Variants in TRAPPC12 observed in about 807,000 individuals in gnomAD.
The protein encoded by TRAPPC12 is trafficking protein particle complex subunit 12.
In TRAPPC12, 61 loss-of-function variants were observed where a neutral mutation model predicts 69.2. The ratio of observed to expected loss-of-function variants is 0.88; its 90% CI spans 0.72 to 1.09. TRAPPC12 has a LOEUF of 1.09. TRAPPC12 is among the 50% of genes least tolerant of loss of function. The probability of loss-of-function intolerance (pLI) is 0.00; values close to 1 mark genes in which losing one functional copy is unlikely to be tolerated. For missense variants in TRAPPC12, 1,101 were observed against 1,016.4 expected (o/e 1.08, Z -1.13); for synonymous variants, 469 against 438.9 (o/e 1.07, Z -0.86).
chr2:3,464,779 G>C (rs1371537012), intron 8 of TRAPPC12, among the ~76,000 whole-genome samples: 2 of 152,254 alleles, frequency 1.3e-5, no homozygotes, highest in Non-Finnish European at 2.9e-5. Context: ...CACCTGGAAA[G>C]GGTGACTGGG....
At chr2:3,382,129 A>AC (rs1660238580) in intron 1 of TRAPPC12, among the ~76,000 whole-genome samples, 1 of 99,154 alleles carries the variant, frequency 1.0e-5, no homozygotes, top group African/African-American at 3.8e-5. Context: ...GTTTATTTCC[A>AC]CTTTTTTTTT....
At chr2:3,478,635 A>G (rs1290846019) in intron 10 of TRAPPC12, 2 of 509,750 alleles carry the variant, frequency 3.9e-6, no homozygotes, top group Non-Finnish European at 3.5e-6. Context: ...ACTCCATCTA[A>G]AAAATAAAAA....
rs562520317 is a variant in TRAPPC12, at chr2:3,438,848, G to A, written c.1418-4931G>A. On this transcript the variant is annotated intron_variant, in intron 5 of 11. Transcript: ENST00000324266. ...CATTTCTCTGTTGAAGAACATCTTG[G>A]TTGCTTCTGGTTTTTGACAATTATG... Among the ~76,000 whole-genome samples, 7 of 152,128 alleles carry A rather than the reference G, an allele frequency of 4.6e-5. No homozygotes were observed. In the South Asian group the frequency reaches 1.5e-3, roughly 32 times the overall value.
chr2:3,474,950 G>A (rs1006501587), intron 9 of TRAPPC12, among the ~76,000 whole-genome samples: 1 of 152,170 alleles, frequency 6.6e-6, no homozygotes, highest in Non-Finnish European at 1.5e-5. Flanking sequence ...AAAGCCACCT[G>A]TTTGGTCCCT....
In TRAPPC12 at chr2:3,388,003, G is replaced by A. The variant is rs1249837335; in HGVS notation, c.380G>A (p.Ser127Asn). Reference protein sequence around the residue: ...DCAPEDAAPSSGGAPRQDAAR... With the variant: ...DCAPEDAAPSNGGAPRQDAAR... ...GCCCCCGAGGACGCGGCACCCAGTA[G>A]CGGAGGGGCCCCGAGGCAGGACGCG... Residue 127 changes from serine to asparagine, a missense_variant, in exon 2 of 12, where the codon AGC becomes AAC. Ser to Asn is a conservative substitution (Grantham distance 46). Coordinates refer to ENST00000324266, the MANE Select transcript of TRAPPC12 (RefSeq NM_016030.6). 9 of 1,471,230 alleles carry A rather than the reference G, an allele frequency of 6.1e-6. No individual in the cohort carries two copies. Among genetic ancestry groups the A allele is most frequent in the Non-Finnish European group, 7.2e-6 (8 of 1,118,066 alleles). The allele number at this position is 1,471,230 out of a possible 1,614,324, so 91.1% of individuals were successfully genotyped here.
chr2:3,389,199 G>T (rs1660680243), intron 2 of TRAPPC12, among the ~76,000 whole-genome samples: 1 of 152,256 alleles, frequency 6.6e-6, no homozygotes, highest in South Asian at 2.1e-4. Context: ...TTTCGGTGCC[G>T]CTTTGCCAGC....
At chr2:3,407,068 A>G (rs1661771495) in intron 3 of TRAPPC12, among the ~76,000 whole-genome samples, 1 of 152,228 alleles carries the variant, frequency 6.6e-6, no homozygotes, top group African/African-American at 2.4e-5. Context: ...GCAGCCAGGA[A>G]AGGGTTTTTG....
chr2:3,382,784 T>C (rs1367690875), intron 1 of TRAPPC12, among the ~76,000 whole-genome samples: 1 of 152,050 alleles, frequency 6.6e-6, no homozygotes, highest in Non-Finnish European at 1.5e-5. Flanking sequence ...AATAGCTGAG[T>C]GTGGTGGTGC....
chr2:3,387,519 A>G lies in TRAPPC12; in HGVS notation c.-4-101A>G, dbSNP rs889976397. 5.2e-6 allele frequency: 5 copies of G among 970,496 alleles called. No individual in the cohort carries two copies. In the African/African-American group the frequency reaches 6.6e-5, roughly 13 times the overall value. 60.1% of individuals were successfully genotyped at this position (970,496 alleles called of 1,614,324 possible). A position where few individuals can be genotyped will look rare whatever the true frequency, so the allele number is the denominator to read the frequency against. ...AAGCACATGGATAAGAAGCTGGAGA[A>G]ATGGAAGTCTGCGTCATTTGAATCT... On this transcript the variant is annotated intron_variant, in intron 1 of 11. Coordinates refer to ENST00000324266, the MANE Select transcript of TRAPPC12 (RefSeq NM_016030.6).
At position 3,424,649 on chromosome 2, in the gene TRAPPC12, A is replaced by G. The variant is rs201299468; in HGVS notation, c.1403A>G (p.Tyr468Cys). The change falls in exon 5 of 12, where the codon TAC becomes TGC. Residue 468 changes from tyrosine (Y) to cysteine (C), a missense_variant. By Grantham distance (194) the Tyr-to-Cys change is radical (BLOSUM62 -2). Transcript: ENST00000324266. ...DLYYEYYPHV[Y>C]PGRRGSMVPF... Reference sequence around the variant, plus strand: ...TATTACGAGTACTACCCGCACGTGTACCCTGGGCGCAGGGGTAAGGCCATG... The same window carrying G: ...TATTACGAGTACTACCCGCACGTGTGCCCTGGGCGCAGGGGTAAGGCCATG... 4.0e-5 allele frequency: 65 copies of G among 1,609,488 alleles called. No individual in the cohort carries two copies. The highest frequency in any genetic ancestry group is 5.4e-5 in the Non-Finnish European group (64 of 1,178,398).
chr2:3,405,862 C>T (rs1661700702), intron 3 of TRAPPC12, among the ~76,000 whole-genome samples: 1 of 152,232 alleles, frequency 6.6e-6, no homozygotes, highest in African/African-American at 2.4e-5. Flanking sequence ...GACACAAATT[C>T]AGCTGCACTC....
At chr2:3,400,029 A>G (rs1572098873) in intron 2 of TRAPPC12, among the ~76,000 whole-genome samples, 2 of 152,214 alleles carry the variant, frequency 1.3e-5, no homozygotes, top group East Asian at 3.9e-4. Flanking sequence ...TCCACCCCCC[A>G]TCTTGGGGTT....
chr2:3,478,680 C>T, intron 10 of TRAPPC12, 166 bp from the exon 11 acceptor site: 1 of 602,180 alleles, frequency 1.7e-6, no homozygotes, highest in Non-Finnish European at 2.9e-6. Context: ...ATGTGCGAGC[C>T]TGAATGCAAA....
rs778075340 is a variant in TRAPPC12 at position 3,443,852 on chromosome 2, G to T, written c.1491G>T (p.Ser497=). ...AGTACCTGGGGAACCCACAGGAGTC[G>T]CTGGATAGACTGCACAAGGTGAAGA... The part of the protein sequence containing the change: ...LQQYLGNPQE[S]LDRLHKVKTV... Residue 497 remains serine (S), a synonymous_variant, in exon 6 of 12, where the codon TCG becomes TCT. Coordinates refer to ENST00000324266, the MANE Select transcript of TRAPPC12 (RefSeq NM_016030.6). The T allele has an allele frequency of 6.2e-6, 10 of 1,613,994 alleles. No individual in the cohort carries two copies. The highest frequency in any genetic ancestry group is 1.3e-5 in the African/African-American group (1 of 74,932).
chr2:3,404,158 G>C (rs1035428604), intron 3 of TRAPPC12, among the ~76,000 whole-genome samples: 1 of 152,114 alleles, frequency 6.6e-6, no homozygotes, highest in South Asian at 2.1e-4. Context: ...CCCAGATCGC[G>C]GTTGTGTGAG....
At chr2:3,463,215 C>A (rs1665605160) in intron 8 of TRAPPC12, 1 of 293,528 alleles carries the variant, frequency 3.4e-6, no homozygotes, top group African/African-American at 2.3e-5. Context: ...TAACCGTCAA[C>A]CTAAGGAAAC....
intron 2 of TRAPPC12, chr2:3,389,755 A>G (rs1187537150): frequency 4.2e-6 from 2 of 470,742 alleles, no homozygotes; most frequent in Admixed American, 4.7e-5. Flanking sequence ...TCCAAGAAGA[A>G]CGAGATTATG....
intron 2 of TRAPPC12, among the ~76,000 whole-genome samples, chr2:3,395,300 A>G (rs1183269554): frequency 6.6e-6 from 1 of 152,208 alleles, no homozygotes; most frequent in African/African-American, 2.4e-5. Context: ...TTTATAGAGC[A>G]TCTCTTCAAA....
chr2:3,420,827 A>G lies in TRAPPC12; in HGVS notation c.1165-1054A>G, dbSNP rs371559739. ...GGGAGTAGTGCGTGTGTGAGTTAGTATACAGAAGAAGTGTGTGGCAGGCTC... is the reference window on the plus strand; with the variant it reads ...GGGAGTAGTGCGTGTGTGAGTTAGTGTACAGAAGAAGTGTGTGGCAGGCTC... On this transcript the variant is annotated intron_variant, in intron 3 of 11. Coordinates refer to ENST00000324266, the MANE Select transcript of TRAPPC12 (RefSeq NM_016030.6). 5.3e-5 allele frequency among the ~76,000 whole-genome samples: 8 copies of G among 152,348 alleles called. 1 individual carries two copies. Among genetic ancestry groups the G allele is most frequent in the East Asian group, 3.9e-4 (2 of 5,190 alleles).
Sources: gnomAD v4.1 joint callset for allele counts (sites outside exome capture counted in the v4.1 genomes callset) on GRCh38, gnomAD v4.1.1 for gene constraint, MANE v1.5 for transcripts, NCBI Gene and HGNC (gene_info 2026-07-23, HGNC 2026-07-21) for gene names.